NAALADL2: variants seen among roughly 807,000 people sequenced by gnomAD.
NAALADL2 encodes inactive N-acetylated-alpha-linked acidic dipeptidase-like protein 2.
NAALADL2 carries 76 observed loss-of-function variants against 87.2 expected under a neutral mutation model. That is an observed-to-expected ratio of 0.87 (90% CI 0.72 to 1.05). The LOEUF (loss-of-function observed/expected upper bound fraction) is 1.05, where lower values mean the gene tolerates loss of function less well. Ranked by LOEUF, NAALADL2 falls within the 50% of genes least tolerant of loss-of-function variation. The pLI is 0.00. For missense variants in NAALADL2, 1,089 were observed against 945.8 expected, an observed-to-expected ratio of 1.15 and a Z score of -1.99; for synonymous variants, 354 against 331.0, an observed-to-expected ratio of 1.07 and a Z score of -0.75.
At chr3:175,002,602 TG>T (rs1198394385) in intron 1 of NAALADL2, among the ~76,000 whole-genome samples, 1 of 152,130 alleles carries the variant, frequency 6.6e-6, no homozygotes. Context: ...TTCAACAGGC[TG>T]GTTGCAGAAA....
intron 1 of NAALADL2, among the ~76,000 whole-genome samples, chr3:175,094,789 T>TGTGTGA (rs1335495209): frequency 2.2e-4 from 33 of 150,836 alleles, no homozygotes; most frequent in African/African-American, 7.8e-4. Context: ...TGTGTGTGTG[T>TGTGTGA]GAATATTATA....
At chr3:175,275,826 TTTA>T (rs1461942395) in intron 4 of NAALADL2, among the ~76,000 whole-genome samples, 1 of 150,844 alleles carries the variant, frequency 6.6e-6, no homozygotes, top group East Asian at 1.9e-4. Flanking sequence ...TAGTACTCAT[TTTA>T]TTATTATTAA....
chr3:175,768,561 G>GT (rs149333776), intron 13 of NAALADL2, among the ~76,000 whole-genome samples: 13,724 of 152,198 alleles, frequency 0.09, 651 homozygotes, highest in Middle Eastern at 0.12. Context: ...CCAGGCATTT[G>GT]TTTTTTGACA....
intron 2 of NAALADL2, among the ~76,000 whole-genome samples, chr3:175,207,028 T>C (rs1393210171): frequency 6.6e-6 from 1 of 152,122 alleles, no homozygotes; most frequent in African/African-American, 2.4e-5. Context: ...AGTACACGTA[T>C]AGGATTATAT....
chr3:175,016,530 C>T (rs1282018437), intron 1 of NAALADL2, among the ~76,000 whole-genome samples: 1 of 151,142 alleles, frequency 6.6e-6, no homozygotes, highest in Non-Finnish European at 1.5e-5. Context: ...GTGGTTATCT[C>T]TGAGGTTTCT....
chr3:174,840,689 T>A (rs1723930768), intron 3 of NAALADL2, among the ~76,000 whole-genome samples: 1 of 152,146 alleles, frequency 6.6e-6, no homozygotes, highest in Non-Finnish European at 1.5e-5. Flanking sequence ...TTCAGCCTCT[T>A]ATCTTGAAAA....
chr3:175,525,535 A>G (rs1733271360), intron 9 of NAALADL2, among the ~76,000 whole-genome samples: 3 of 152,142 alleles, frequency 2.0e-5, no homozygotes, highest in Non-Finnish European at 4.4e-5. Flanking sequence ...GGCTTTCTCA[A>G]ATCTAGTTTT....
At chr3:175,790,675 C>T (rs1220160602) in intron 13 of NAALADL2, among the ~76,000 whole-genome samples, 4 of 152,152 alleles carry the variant, frequency 2.6e-5, no homozygotes, top group Admixed American at 1.3e-4. Context: ...TCTGCCTTGT[C>T]ACTATACTCC....
At chr3:175,560,805 A>G (rs532467168) in intron 9 of NAALADL2, among the ~76,000 whole-genome samples, 24 of 152,270 alleles carry the variant, frequency 1.6e-4, no homozygotes, top group African/African-American at 5.8e-4. Context: ...TATTTTTAGT[A>G]GAGATGGGCT....
intron 2 of NAALADL2, among the ~76,000 whole-genome samples, chr3:174,622,356 G>T (rs1721095352): frequency 6.6e-6 from 1 of 152,044 alleles, no homozygotes; most frequent in East Asian, 1.9e-4. Flanking sequence ...ATTGATAAAA[G>T]GATTAAGTGA....
intron 2 of NAALADL2, among the ~76,000 whole-genome samples, chr3:174,659,452 T>A (rs758469472): frequency 2.0e-5 from 3 of 152,184 alleles, no homozygotes; most frequent in Non-Finnish European, 4.4e-5. Context: ...ACTGAACCCT[T>A]AAAGGTTAGG....
intron 1 of NAALADL2, among the ~76,000 whole-genome samples, chr3:175,048,166 T>G (rs184692067): frequency 5.9e-5 from 9 of 152,274 alleles, no homozygotes; most frequent in Admixed American, 5.9e-4. Context: ...ACATTGAGTG[T>G]GGGTTTTTCC....
intron 1 of NAALADL2, among the ~76,000 whole-genome samples, chr3:174,887,686 A>G (rs553099221): frequency 3.9e-5 from 6 of 152,212 alleles, no homozygotes; most frequent in African/African-American, 1.2e-4. Context: ...AGTTTCAGCT[A>G]CTCAGTAGGC....
At chr3:175,172,027 T>G (rs1333867232) in intron 2 of NAALADL2, among the ~76,000 whole-genome samples, 3 of 152,012 alleles carry the variant, frequency 2.0e-5, no homozygotes, top group African/African-American at 7.2e-5. Flanking sequence ...AGAAACAAAG[T>G]CTTTTATATT....
In NAALADL2 at chr3:175,366,197, T is replaced by C. The variant is rs1435337873; in HGVS notation, c.1090+41872T>C. On this transcript the variant is annotated intron_variant, in intron 5 of 13. Transcript: ENST00000454872. ...TACAAAGCATATGAACTCATCATTA[T>C]TTATGGCTGCATAGTATTCCATGGT... Among the ~76,000 whole-genome samples, 7 of 142,178 alleles carry C rather than the reference T, an allele frequency of 4.9e-5. 1 individual carries two copies. Among genetic ancestry groups the C allele is most frequent in the African/African-American group, 1.5e-4 (6 of 39,616 alleles). 93.3% of individuals were successfully genotyped at this position (142,178 alleles called of 152,430 possible). A position where few individuals can be genotyped will look rare whatever the true frequency, so the allele number is the denominator to read the frequency against.
chr3:175,806,170 G>A lies in NAALADL2; in HGVS notation c.*2967G>A, dbSNP rs552654060. 11 of 151,922 alleles carry A rather than the reference G, an allele frequency of 7.2e-5. No individual in the cohort carries two copies. In the East Asian group the frequency reaches 1.9e-3, roughly 27 times the overall value. 9.4% of individuals were successfully genotyped at this position (151,922 alleles called of 1,614,324 possible). A position where few individuals can be genotyped will look rare whatever the true frequency, so the allele number is the denominator to read the frequency against. On this transcript the variant is annotated 3_prime_UTR_variant, in exon 14 of 14. Coordinates refer to ENST00000454872, the MANE Select transcript of NAALADL2 (RefSeq NM_207015.3). ...GCTGGAAACACTGCTTTTAATTCAA[G>A]GCTAGTTCATTCTCTGACTGTACCT...
At chr3:175,277,276 A>G (rs1753730450) in intron 4 of NAALADL2, among the ~76,000 whole-genome samples, 1 of 152,290 alleles carries the variant, frequency 6.6e-6, no homozygotes, top group South Asian at 2.1e-4. Context: ...ACCACATACT[A>G]AAATTTTTGT....
intron 5 of NAALADL2, among the ~76,000 whole-genome samples, chr3:175,357,806 C>T (rs908447687): frequency 6.6e-6 from 1 of 151,970 alleles, no homozygotes; most frequent in Admixed American, 6.6e-5. Flanking sequence ...CTACTTTATA[C>T]CTTAAGTATT....
At chr3:174,769,875 G>T in intron 3 of NAALADL2, among the ~76,000 whole-genome samples, 1 of 151,516 alleles carries the variant, frequency 6.6e-6, no homozygotes, top group Non-Finnish European at 1.5e-5. Context: ...TCTTACTATA[G>T]ATGTTAAAAA....
Sources: allele counts gnomAD v4.1 joint callset (sites outside exome capture counted in the v4.1 genomes callset), GRCh38; gene constraint gnomAD v4.1.1; transcripts MANE v1.5; gene names NCBI Gene and HGNC (gene_info 2026-07-23, HGNC 2026-07-21).